Variants in PIN4 observed in about 807,000 individuals in gnomAD.
The protein encoded by PIN4 is peptidyl-prolyl cis-trans isomerase NIMA-interacting 4.
Under a neutral mutation model 8.3 loss-of-function variants are expected in PIN4, and 3 were observed. The observed-to-expected ratio is 0.36, with a 90% CI of 0.16 to 0.93. The LOEUF (loss-of-function observed/expected upper bound fraction) is 0.93. PIN4 is among the 40% of genes least tolerant of loss of function. The pLI is 0.44. For synonymous variants in PIN4, 18 were observed against 32.5 expected (o/e 0.55, Z 1.52); for missense variants, 75 against 100.6 (o/e 0.75, Z 1.09).
chrX:72,254,042 A>G (rs1441213976), intron 3 of PIN4, among the ~76,000 whole-genome samples: 4 of 112,300 alleles, frequency 3.6e-5, no homozygotes, highest in Non-Finnish European at 3.8e-5. Context: ...TAATCCTTTC[A>G]AGAAACACAT....
chrX:72,200,812 T>G (rs925547767), downstream of PIN4, among the ~76,000 whole-genome samples: 3 of 111,840 alleles, frequency 2.7e-5, no homozygotes, highest in African/African-American at 9.7e-5. Context: ...GGCAAGAGAT[T>G]TTTCACCTCA....
At chrX:72,260,101 C>T (rs1171277189) in intron 3 of PIN4, among the ~76,000 whole-genome samples, 3 of 110,700 alleles carry the variant, frequency 2.7e-5, no homozygotes, top group Non-Finnish European at 5.7e-5. Context: ...CAAACTACTG[C>T]CACACATATA....
chrX:72,205,424 C>T, intron 3 of PIN4: 1 of 1,211,994 alleles, frequency 8.3e-7, no homozygotes, highest in Non-Finnish European at 1.1e-6. Context: ...CTGCTGTCGT[C>T]AAGTCTTTCC....
chrX:72,191,435 C>T (rs934721416), intron 2 of PIN4, among the ~76,000 whole-genome samples: 6 of 111,167 alleles, frequency 5.4e-5, no homozygotes, highest in African/African-American at 1.6e-4. Flanking sequence ...CCTGGAATCT[C>T]AGCTACTCGG....
rs150691296 is a variant in PIN4 at position 72,238,416 on chromosome X, A to C, written c.313-24291A>C. 4.3e-3 allele frequency among the ~76,000 whole-genome samples: 481 copies of C among 111,552 alleles called. 2 individuals are homozygous for C. Among genetic ancestry groups the C allele is most frequent in the Non-Finnish European group, 5.4e-3 (287 of 53,148 alleles). ...TGCCAACACTGTGCCCTGCACGTAC[A>C]TTATACCTCTTACAGCACTTATCAA... On this transcript the variant is annotated intron_variant, in intron 3 of 3. Coordinates refer to the PIN4 transcript ENST00000423432.
chrX:72,191,640 C>A (rs780355237), intron 2 of PIN4, among the ~76,000 whole-genome samples: 1 of 111,925 alleles, frequency 8.9e-6, no homozygotes, highest in Non-Finnish European at 1.9e-5. Flanking sequence ...AGTCTCACAG[C>A]GTTAGTGTGA....
chrX:72,231,025 A>G (rs763566803), intron 3 of PIN4, among the ~76,000 whole-genome samples: 8 of 112,042 alleles, frequency 7.1e-5, no homozygotes, highest in African/African-American at 9.7e-5. Context: ...AGGTTCCTCA[A>G]AAAACTAAAA....
intron 2 of PIN4, among the ~76,000 whole-genome samples, chrX:72,195,557 G>T (rs997931253): frequency 1.4e-4 from 15 of 110,723 alleles, no homozygotes; most frequent in African/African-American, 4.9e-4. Context: ...CAGGAGAATT[G>T]CTTGAACCCG....
intron 2 of PIN4, among the ~76,000 whole-genome samples, chrX:72,187,688 A>C (rs1325184767): frequency 9.0e-6 from 1 of 111,657 alleles, no homozygotes; most frequent in Non-Finnish European, 1.9e-5. Flanking sequence ...CTGTGGCCCT[A>C]GCTACTCAGG....
intron 2 of PIN4, among the ~76,000 whole-genome samples, chrX:72,187,777 A>G (rs760147281): frequency 1.1e-4 from 12 of 112,209 alleles, no homozygotes; most frequent in Non-Finnish European, 2.3e-4. Flanking sequence ...CACTCATCCT[A>G]TGCAACAGAG....
intron 3 of PIN4, among the ~76,000 whole-genome samples, chrX:72,257,732 A>C (rs2043118556): frequency 9.0e-6 from 1 of 111,717 alleles, no homozygotes; most frequent in Non-Finnish European, 1.9e-5. Flanking sequence ...TCGGGAGTTA[A>C]GTTGGGCTAT....
At chrX:72,203,888 T>C (rs2042801833) in intron 3 of PIN4, among the ~76,000 whole-genome samples, 1 of 111,961 alleles carries the variant, frequency 8.9e-6, no homozygotes, top group Admixed American at 9.5e-5. Flanking sequence ...TATACTGCAG[T>C]TTATCTTTCT....
chrX:72,227,788 C>T (rs753112764), intron 3 of PIN4, among the ~76,000 whole-genome samples: 35 of 111,665 alleles, frequency 3.1e-4, no homozygotes, highest in African/African-American at 1.1e-3. Flanking sequence ...GACTTTCCTC[C>T]CCACCTAATT....
At chrX:72,228,616 T>C (rs1318896184) in intron 3 of PIN4, among the ~76,000 whole-genome samples, 3 of 111,883 alleles carry the variant, frequency 2.7e-5, no homozygotes, top group South Asian at 7.5e-4. Flanking sequence ...CTTGTTACAG[T>C]CCTTCAGCGG....
intron 1 of PIN4, 44 bp from the exon 2 acceptor site, chrX:72,186,417 T>C (rs748171005): frequency 8.0e-6 from 7 of 872,632 alleles, no homozygotes; most frequent in Non-Finnish European, 1.2e-5. Context: ...TCTGTAAACA[T>C]GGAGGTGCAG....
intron 3 of PIN4, among the ~76,000 whole-genome samples, chrX:72,253,477 T>C (rs185279151): frequency 1.3e-3 from 139 of 109,743 alleles, no homozygotes; most frequent in African/African-American, 4.5e-3. Context: ...AATACAAAAA[T>C]TAGCCAGGCG....
chrX:72,239,176 T>C (rs1182305107), intron 3 of PIN4: 2 of 363,374 alleles, frequency 5.5e-6, no homozygotes, highest in African/African-American at 2.6e-5. Context: ...AGGTGATCTC[T>C]GCCTTCGAGA....
chrX:72,213,413 C>T (rs930395471), intron 3 of PIN4, among the ~76,000 whole-genome samples: 9 of 111,613 alleles, frequency 8.1e-5, no homozygotes, highest in Non-Finnish European at 1.1e-4. Context: ...GCATTCGAGC[C>T]GGGAGGGGCA....
chrX:72,200,706 A>C (rs1226708558), downstream of PIN4, among the ~76,000 whole-genome samples: 2 of 112,069 alleles, frequency 1.8e-5, no homozygotes, highest in African/African-American at 6.5e-5. Flanking sequence ...ATACACTATC[A>C]CTTGGGTAGC....
Sources: allele counts gnomAD v4.1 joint callset (sites outside exome capture counted in the v4.1 genomes callset), GRCh38; gene constraint gnomAD v4.1.1; transcripts MANE v1.5; gene names NCBI Gene and HGNC (gene_info 2026-07-23, HGNC 2026-07-21).